The following RREB1 variants were observed in gnomAD, a reference collection of about 807,000 sequenced individuals.
The protein encoded by RREB1 is ras responsive element binding protein 1, also known as ras-responsive element-binding protein 1.
RREB1 carries 27 observed loss-of-function variants against 117.8 expected under a neutral mutation model. The observed-to-expected ratio is 0.23, with a 90% CI of 0.17 to 0.32. The LOEUF (loss-of-function observed/expected upper bound fraction) is 0.32, where lower values mean the gene tolerates loss of function less well. Ranked by LOEUF, RREB1 falls within the 10% of genes least tolerant of loss-of-function variation. RREB1 has a pLI of 1.00. For missense variants in RREB1, 2,577 were observed against 2,378.2 expected, an observed-to-expected ratio of 1.08 and a Z score of -1.74; for synonymous variants, 1,298 against 1,026.7, an observed-to-expected ratio of 1.26 and a Z score of -5.05.
chr6:7,110,879 G>C (rs1405213347), intron 1 of RREB1, among the ~76,000 whole-genome samples: 1 of 152,110 alleles, frequency 6.6e-6, no homozygotes, highest in Non-Finnish European at 1.5e-5. Context: ...GGTTTTTCTA[G>C]ATACTGCTTT....
intron 11 of RREB1, 140 bp downstream of exon 11, chr6:7,240,742 T>C: frequency 5.8e-6 from 4 of 684,804 alleles, no homozygotes; most frequent in Non-Finnish European, 9.4e-6. Context: ...AGCCTGTTAA[T>C]AGAAAGGCAG....
intron 8 of RREB1, chr6:7,214,817 C>T (rs1766810882): frequency 6.6e-6 from 1 of 152,338 alleles, no homozygotes; most frequent in Non-Finnish European, 1.5e-5. Flanking sequence ...TTCTCCACTC[C>T]CCACCAACAC....
chr6:7,159,070 G>A (rs1465524762), intron 1 of RREB1, among the ~76,000 whole-genome samples: 1 of 152,100 alleles, frequency 6.6e-6, no homozygotes, highest in Non-Finnish European at 1.5e-5. Context: ...GCCGATTTAT[G>A]CACTGCAATT....
intron 9 of RREB1, among the ~76,000 whole-genome samples, chr6:7,226,994 AC>A (rs1475057257): frequency 6.6e-6 from 1 of 152,160 alleles, no homozygotes; most frequent in Non-Finnish European, 1.5e-5. Flanking sequence ...TAACGCCAGC[AC>A]TTTGTGAGGC....
rs143572601 is a variant in RREB1, at chr6:7,187,309, G to A, written c.172-125G>A. On this transcript the variant is annotated intron_variant, in intron 4 of 12. Coordinates refer to ENST00000379938, the MANE Select transcript of RREB1 (RefSeq NM_001003699.4). ...GTGACTTGCACAAGCTTATACCTGGGCAGGTTCTGGAGCCCATGCTCTCAG... is the reference window on the plus strand; with the variant it reads ...GTGACTTGCACAAGCTTATACCTGGACAGGTTCTGGAGCCCATGCTCTCAG... The A allele has an allele frequency of 1.3e-4, 60 of 474,026 alleles. 1 individual carries two copies. The East Asian group carries it at 2.0e-3, about 15-fold the overall frequency. The allele number at this position is 474,026 out of a possible 1,614,324, so 29.4% of individuals were successfully genotyped here. A position where few individuals can be genotyped will look rare whatever the true frequency, so the allele number is the denominator to read the frequency against.
chr6:7,124,142 T>C (rs1488950065), intron 1 of RREB1, among the ~76,000 whole-genome samples: 4 of 152,220 alleles, frequency 2.6e-5, no homozygotes, highest in Non-Finnish European at 5.9e-5. Context: ...GTTGATTTTA[T>C]TTTTTGTTTA....
In RREB1 at chr6:7,231,279, A is replaced by C. The variant is rs765793510; in HGVS notation, c.3180A>C (p.Glu1060Asp). ...PLLLPKPPVT[E>D]ELPPLASIAQ... The stretch of plus-strand genomic sequence containing the variant: ...TTTTGCCAAAGCCCCCCGTGACAGA[A>C]GAGCTGCCCCCGCTGGCCTCCATTG... The change falls in exon 10 of 13, where the codon GAA becomes GAC. Residue 1060 changes from glutamate to aspartate, a missense_variant. Transcript: ENST00000379938. 2.5e-6 allele frequency: 4 copies of C among 1,610,586 alleles called. No individual in the cohort carries two copies. In the East Asian group the frequency reaches 6.7e-5, roughly 27 times the overall value.
In RREB1 at chr6:7,231,657, C is replaced by A. The variant is rs753310527; in HGVS notation, c.3558C>A (p.Ala1186=). ...TTGCCAGCATCGAGAAGATGCTGGC[C>A]ACCACAGACACCAACAAGTTCAGTC... ...GEFASIEKML[A]TTDTNKFSPF... The change falls in exon 10 of 13, where the codon GCC becomes GCA. Residue 1186 remains alanine, a synonymous_variant. Coordinates refer to ENST00000379938, the MANE Select transcript of RREB1 (RefSeq NM_001003699.4). 1.9e-6 allele frequency: 3 copies of A among 1,611,138 alleles called. No homozygotes were observed. In the East Asian group the frequency reaches 6.7e-5, roughly 36 times the overall value.
At chr6:7,212,556 A>G (rs1392433452) in intron 8 of RREB1, 2 of 152,346 alleles carry the variant, frequency 1.3e-5, no homozygotes, top group East Asian at 1.9e-4. Context: ...ACAAAGAACT[A>G]CTTAGGAACC....
At chr6:7,122,491 C>G (rs1297170178) in intron 1 of RREB1, among the ~76,000 whole-genome samples, 3 of 152,174 alleles carry the variant, frequency 2.0e-5, no homozygotes, top group Non-Finnish European at 4.4e-5. Context: ...GTCTTGAACT[C>G]TTGGATTCAA....
chr6:7,116,154 A>G (rs1383405846), intron 1 of RREB1, among the ~76,000 whole-genome samples: 1 of 152,184 alleles, frequency 6.6e-6, no homozygotes, highest in Non-Finnish European at 1.5e-5. Context: ...TCTGTTGTCT[A>G]CAGGAAGAAA....
At chr6:7,188,216 C>T (rs1323902688) in intron 5 of RREB1, among the ~76,000 whole-genome samples, 2 of 116,428 alleles carry the variant, frequency 1.7e-5, no homozygotes, top group African/African-American at 6.4e-5. Flanking sequence ...TAGAATCGCT[C>T]CCCCCCACAC....
chr6:7,155,568 C>T (rs1258076109), intron 1 of RREB1, among the ~76,000 whole-genome samples: 2 of 152,250 alleles, frequency 1.3e-5, no homozygotes, highest in African/African-American at 4.8e-5. Context: ...GCCTCAGCCT[C>T]CCAAGGTGCT....
chr6:7,121,108 G>C (rs769129061), intron 1 of RREB1, among the ~76,000 whole-genome samples: 4 of 152,118 alleles, frequency 2.6e-5, no homozygotes, highest in Non-Finnish European at 5.9e-5. Flanking sequence ...ACAGGCGTGA[G>C]CCACTGCGCC....
rs550874536 is a variant in RREB1, at chr6:7,170,199, A to G, written c.-284-6456A>G. ...TATTTGAAACCTAGTCAGAGTAAGG[A>G]GCAGACACCCTGGCCTGTGAGAATG... On this transcript the variant is annotated intron_variant, in intron 1 of 12. Transcript: ENST00000379938. 5.6e-4 allele frequency among the ~76,000 whole-genome samples: 86 copies of G among 152,322 alleles called. 3 individuals carry two copies. The highest frequency in any genetic ancestry group is 2.0e-3 in the African/African-American group (84 of 41,570).
At chr6:7,228,452 TTCCTTATTCAG>T (rs1233718711) in intron 9 of RREB1, among the ~76,000 whole-genome samples, 1 of 151,800 alleles carries the variant, frequency 6.6e-6, no homozygotes, top group African/African-American at 2.4e-5. Flanking sequence ...CTTTGTGGAT[TTCCTTATTCAG>T]TCCAGTGTGT....
chr6:7,113,400 C>A (rs754404084), intron 1 of RREB1, among the ~76,000 whole-genome samples: 1 of 152,190 alleles, frequency 6.6e-6, no homozygotes. Flanking sequence ...TCTGATACTT[C>A]TGGTGGTTTA....
intron 1 of RREB1, among the ~76,000 whole-genome samples, chr6:7,162,238 G>A (rs1306425534): frequency 6.6e-6 from 1 of 151,472 alleles, no homozygotes; most frequent in African/African-American, 2.4e-5. Flanking sequence ...ACCATCTACT[G>A]TCTTTATCTC....
intron 1 of RREB1, among the ~76,000 whole-genome samples, chr6:7,125,936 G>A (rs1252861009): frequency 6.6e-6 from 1 of 152,172 alleles, no homozygotes; most frequent in Non-Finnish European, 1.5e-5. Flanking sequence ...ATTACGGTAA[G>A]TACTTCAAGG....
Sources: gnomAD v4.1 joint callset for allele counts (sites outside exome capture counted in the v4.1 genomes callset) on GRCh38, gnomAD v4.1.1 for gene constraint, MANE v1.5 for transcripts, NCBI Gene and HGNC (gene_info 2026-07-23, HGNC 2026-07-21) for gene names.